The following MVK variants were observed in gnomAD, a reference collection of about 807,000 sequenced individuals.
MVK encodes the protein LH receptor mRNA-binding protein.
A neutral mutation model predicts 43.2 loss-of-function variants in MVK; 34 were observed. The ratio of observed to expected loss-of-function variants is 0.79; its 90% confidence interval spans 0.60 to 1.05. The LOEUF (loss-of-function observed/expected upper bound fraction) is 1.05. Among genes scored for constraint, MVK ranks in the 50% least tolerant of loss-of-function variants. The pLI is 0.00. For missense variants in MVK, 395 were observed against 504.0 expected, an observed-to-expected ratio of 0.78 and a Z score of 2.07; for synonymous variants, 190 against 219.8, an observed-to-expected ratio of 0.86 and a Z score of 1.20.
At chr12:109,579,725 T>G in intron 3 of MVK, 77 bp from the exon 4 acceptor site, 2 of 1,578,830 alleles carry the variant, frequency 1.3e-6, no homozygotes, top group Non-Finnish European at 1.7e-6. Flanking sequence ...GACTAGTCGA[T>G]TTTCTGTGTT....
chr12:109,583,079 TC>T (rs1161161490), intron 5 of MVK, among the ~76,000 whole-genome samples: 3 of 128,660 alleles, frequency 2.3e-5, no homozygotes, highest in African/African-American at 1.0e-4. Context: ...TAGCTCTGGA[TC>T]CTTGGTCTGT....
Position 109,582,367 on chromosome 12 carries a change from C to T in MVK, c.527+817C>T, listed in dbSNP as rs199635211. 3.9e-5 allele frequency among the ~76,000 whole-genome samples: 6 copies of T among 152,004 alleles called. No homozygotes were observed. In the South Asian group the frequency reaches 1.2e-3, roughly 32 times the overall value. ...TTGTTTGTTTTTTGAGATGGAGTCT[C>T]GCTCTGTCACCCAGGCTGGAGTGCA... On this transcript the variant is annotated intron_variant, in intron 5 of 10. Transcript: ENST00000228510.
In MVK at chr12:109,596,600, C is replaced by T. The variant is rs771596723; in HGVS notation, c.*23C>T. ...TGAGAGGAGCCCACGACACTGCAGC[C>T]CCACCCAGATGCCCCTTTCTGGATT... On this transcript the variant is annotated 3_prime_UTR_variant, in exon 11 of 11. Coordinates refer to ENST00000228510, the MANE Select transcript of MVK (RefSeq NM_000431.4). 1 of 1,604,494 alleles carries T rather than the reference C, an allele frequency of 6.2e-7. No individual in the cohort carries two copies. Among genetic ancestry groups the T allele is most frequent in the Admixed American group, 1.7e-5 (1 of 59,986 alleles).
chr12:109,577,759 G>A (rs9783487), intron 3 of MVK, among the ~76,000 whole-genome samples: 45,654 of 151,948 alleles, frequency 0.3, 7,055 homozygotes, highest in African/African-American at 0.37. Context: ...ATTGGGAGTT[G>A]GTAGTGGTGG....
chr12:109,590,770 G>A lies in MVK; in HGVS notation c.678-1G>A. Reference sequence around the variant, plus strand: ...GGACCTGCCTCCTCTTCACCCTGCAGGTCGCCAGCTCTCCAGATCCTGCTG... The same window carrying A: ...GGACCTGCCTCCTCTTCACCCTGCAAGTCGCCAGCTCTCCAGATCCTGCTG... On this transcript the variant is annotated splice_acceptor_variant, in intron 7 of 10. Coordinates refer to ENST00000228510, the MANE Select transcript of MVK (RefSeq NM_000431.4). LOFTEE classifies it high-confidence loss of function. The A allele has an allele frequency of 1.2e-6, 2 of 1,614,054 alleles. No individual in the cohort carries two copies. Among genetic ancestry groups the A allele is most frequent in the Non-Finnish European group, 1.7e-6 (2 of 1,179,982 alleles).
At chr12:109,590,296 C>A in intron 7 of MVK, 1 of 302,170 alleles carries the variant, frequency 3.3e-6, no homozygotes, top group Non-Finnish European at 6.5e-6. Flanking sequence ...CTGCTATAGC[C>A]ACTTTGAATT....
At chr12:109,582,528 C>T (rs1315616454) in intron 5 of MVK, among the ~76,000 whole-genome samples, 1 of 151,992 alleles carries the variant, frequency 6.6e-6, no homozygotes, top group Non-Finnish European at 1.5e-5. Context: ...TGTTCTTATG[C>T]TGCTTCTAAC....
intron 3 of MVK, 27 bp from the exon 4 acceptor site, chr12:109,579,775 G>A: frequency 1.2e-6 from 2 of 1,614,162 alleles, no homozygotes; most frequent in Non-Finnish European, 1.7e-6. Context: ...TCACCCACTT[G>A]TGTTTGCTTG....
intron 5 of MVK, among the ~76,000 whole-genome samples, chr12:109,581,900 T>C (rs1303505995): frequency 6.6e-6 from 1 of 152,222 alleles, no homozygotes; most frequent in Non-Finnish European, 1.5e-5. Flanking sequence ...ACCTCTGCAT[T>C]GACTCAGGCT....
At chr12:109,587,013 T>A (rs1885463568) in intron 7 of MVK, 1 of 590,322 alleles carries the variant, frequency 1.7e-6, no homozygotes, top group Admixed American at 2.7e-5. Flanking sequence ...ATTGCAGAGA[T>A]ATCAGAAAGG....
chr12:109,582,113 G>C (rs906583173), intron 5 of MVK, among the ~76,000 whole-genome samples: 1 of 152,216 alleles, frequency 6.6e-6, no homozygotes, highest in Admixed American at 6.5e-5. Context: ...GACCACGTGA[G>C]TCAGTGAGGC....
intron 9 of MVK, among the ~76,000 whole-genome samples, chr12:109,593,738 T>G (rs1475758587): frequency 2.0e-5 from 3 of 148,124 alleles, no homozygotes; most frequent in Non-Finnish European, 4.5e-5. Context: ...TTTTTTTTTT[T>G]GAGACAGAGT....
chr12:109,579,243 G>C (rs374996248), intron 3 of MVK: 14 of 442,342 alleles, frequency 3.2e-5, no homozygotes, highest in Non-Finnish European at 5.0e-5. Context: ...GGGCTCAAGC[G>C]ATCCTCCTGC....
chr12:109,585,198 C>A (rs1885383482), intron 5 of MVK, among the ~76,000 whole-genome samples: 1 of 152,208 alleles, frequency 6.6e-6, no homozygotes, highest in African/African-American at 2.4e-5. Context: ...CCAGGGGTCT[C>A]TGGGGCTCCT....
intron 9 of MVK, among the ~76,000 whole-genome samples, chr12:109,594,178 C>T (rs771982833): frequency 8.5e-5 from 13 of 152,226 alleles, no homozygotes; most frequent in African/African-American, 2.9e-4. Context: ...TGGCTGGGAC[C>T]GTGGCTGGGC....
chr12:109,580,426 G>GTTGTTT (rs1294272164), intron 4 of MVK, among the ~76,000 whole-genome samples: 1 of 152,074 alleles, frequency 6.6e-6, no homozygotes, highest in African/African-American at 2.4e-5. Context: ...TGTTGTTTTT[G>GTTGTTT]TTGTTTTTGT....
At position 109,581,551 on chromosome 12, in the gene MVK, G is replaced by T; in HGVS notation, c.527+1G>T. ...TGAAGGACGGGGATTGCGTCAACAG[G>T]TAACCATGGTCCTTACCTGGCCAGT... On this transcript the variant is annotated splice_donor_variant, in intron 5 of 10. Transcript: ENST00000228510. LOFTEE classifies it high-confidence loss of function. 1 of 1,614,214 alleles carries T rather than the reference G, an allele frequency of 6.2e-7. No homozygotes were observed. The highest frequency in any genetic ancestry group is 8.5e-7 in the Non-Finnish European group (1 of 1,180,018).
upstream of MVK, chr12:109,573,582 T>A (rs187929763): frequency 7.1e-7 from 1 of 1,406,112 alleles, no homozygotes; most frequent in African/African-American, 1.4e-5. Context: ...GTTTCAATTT[T>A]TATTGGTTCG....
intron 9 of MVK, among the ~76,000 whole-genome samples, chr12:109,591,849 C>A (rs2136247225): frequency 6.6e-6 from 1 of 152,332 alleles, no homozygotes; most frequent in Middle Eastern, 3.4e-3. Flanking sequence ...TTGCATAATT[C>A]TAGTGTAGAG....
Sources: gnomAD v4.1 joint callset for allele counts (sites outside exome capture counted in the v4.1 genomes callset) on GRCh38, gnomAD v4.1.1 for gene constraint, MANE v1.5 for transcripts, NCBI Gene and HGNC (gene_info 2026-07-23, HGNC 2026-07-21) for gene names.